The following LRRC2 variants were observed in gnomAD, a reference collection of about 807,000 sequenced individuals.
The protein encoded by LRRC2 is leucine rich repeat containing 2, also known as leucine-rich repeat-containing protein 2.
A neutral mutation model predicts 40.2 loss-of-function variants in LRRC2; 27 were observed. The observed-to-expected ratio is 0.67, with a 90% CI of 0.49 to 0.93. The LOEUF is 0.93. Ranked by LOEUF, LRRC2 falls within the 40% of genes least tolerant of loss-of-function variation. The pLI is 0.00. For missense variants in LRRC2, 402 were observed against 439.6 expected, an observed-to-expected ratio of 0.91 and a Z score of 0.76; for synonymous variants, 147 against 158.9, an observed-to-expected ratio of 0.92 and a Z score of 0.56.
intron 4 of LRRC2, among the ~76,000 whole-genome samples, chr3:46,536,252 A>G (rs998609926): frequency 2.0e-5 from 3 of 152,222 alleles, no homozygotes; most frequent in African/African-American, 2.4e-5. Context: ...ACACCTTTCT[A>G]GAATGTTTGA....
intron 1 of LRRC2, among the ~76,000 whole-genome samples, chr3:46,552,332 C>T (rs1421591028): frequency 6.6e-6 from 1 of 151,634 alleles, no homozygotes; most frequent in Non-Finnish European, 1.5e-5. Context: ...CACATCCTCT[C>T]TCCTCTCTCA....
At chr3:46,529,445 TTAATTTGAAAGAATA>T (rs1041248207) in intron 6 of LRRC2, among the ~76,000 whole-genome samples, 2 of 152,222 alleles carry the variant, frequency 1.3e-5, no homozygotes, top group Admixed American at 1.3e-4. Context: ...ATGTACATTT[TTAATTTGAAAGAATA>T]TAATTTGAAA....
chr3:46,526,651 C>A (rs754547657), intron 7 of LRRC2, among the ~76,000 whole-genome samples: 16 of 152,230 alleles, frequency 1.1e-4, no homozygotes, highest in Non-Finnish European at 1.9e-4. Context: ...GACAGGAAGA[C>A]AAGATTGAAC....
chr3:46,528,274 A>C lies in LRRC2; in HGVS notation c.774-693T>G, dbSNP rs945745063. Among the ~76,000 whole-genome samples the C allele has an allele frequency of 1.8e-4, 26 of 146,280 alleles. 1 individual carries two copies. The highest frequency in any genetic ancestry group is 3.0e-5 in the Non-Finnish European group (2 of 67,114). ...AAATGAGAATAAACAGATTTTAGCA[A>C]TGTACTTCCTTTGGTACACTTTTTT... On this transcript the variant is annotated intron_variant, in intron 6 of 8. Transcript: ENST00000395905.
intron 7 of LRRC2, among the ~76,000 whole-genome samples, chr3:46,525,092 T>C (rs1471486114): frequency 4.0e-5 from 6 of 148,708 alleles, no homozygotes; most frequent in East Asian, 3.9e-4. Flanking sequence ...TTTTCTTTTT[T>C]TTTTTTTTTT....
chr3:46,551,553 G>A lies in LRRC2; in HGVS notation c.39C>T (p.Ile13=). ...HKVVVFDISV[I]RALWETRVKK... ...TGACACGAGTTTCCCACAAGGCTCTGATGACAGAAATGTCGAAGACAACCA... is the reference window on the plus strand; with the variant it reads ...TGACACGAGTTTCCCACAAGGCTCTAATGACAGAAATGTCGAAGACAACCA... Residue 13 remains isoleucine (I), a synonymous_variant, in exon 2 of 9, where the codon ATC becomes ATT. Coordinates refer to ENST00000395905, the MANE Select transcript of LRRC2 (RefSeq NM_024512.5). 3.1e-6 allele frequency: 5 copies of A among 1,613,932 alleles called. No individual in the cohort carries two copies. The highest frequency in any genetic ancestry group is 4.2e-6 in the Non-Finnish European group (5 of 1,179,934).
rs1559406083 is a variant in LRRC2, at chr3:46,517,277, T to TG, written c.*1736dup. Reference sequence around the variant, plus strand: ...TTCCTTCTTAGTCACAAAAGCTGCTTGTTTTTGTTTTTTTTTTTTTAGTTA... The same window carrying TG: ...TTCCTTCTTAGTCACAAAAGCTGCTTGGTTTTTGTTTTTTTTTTTTTAGTTA... On this transcript the variant is annotated 3_prime_UTR_variant, in exon 9 of 9. Transcript: ENST00000395905. The TG allele has an allele frequency of 8.8e-6, 1 of 113,116 alleles. No individual in the cohort carries two copies. The highest frequency in any genetic ancestry group is 2.8e-5 in the African/African-American group (1 of 35,112). 7.0% of individuals were successfully genotyped at this position (113,116 alleles called of 1,614,324 possible).
intron 5 of LRRC2, among the ~76,000 whole-genome samples, chr3:46,530,969 T>C (rs766862584): frequency 1.3e-4 from 20 of 152,244 alleles, no homozygotes; most frequent in Middle Eastern, 6.8e-3. Context: ...TAAGAAATAA[T>C]ATCGTTAAGG....
At chr3:46,527,626 A>G (rs150605535) in intron 6 of LRRC2, 45 bp from the exon 7 acceptor site, 2 of 1,520,812 alleles carry the variant, frequency 1.3e-6, no homozygotes, top group African/African-American at 1.4e-5. Context: ...TTAGCATCAT[A>G]GCTAAGAAAA....
chr3:46,524,652 T>C (rs1394191730), intron 7 of LRRC2, among the ~76,000 whole-genome samples: 10 of 152,338 alleles, frequency 6.6e-5, no homozygotes. Flanking sequence ...TTTTCTTTCA[T>C]TTTAATAGGC....
intron 1 of LRRC2, among the ~76,000 whole-genome samples, chr3:46,561,720 G>A (rs115970439): frequency 0.017 from 2,648 of 152,298 alleles, 74 homozygotes; most frequent in African/African-American, 0.061. Flanking sequence ...ACCAGCTCCT[G>A]AACTGAGATT....
intron 7 of LRRC2, among the ~76,000 whole-genome samples, 182 bp downstream of exon 7, chr3:46,527,244 G>A (rs929306707): frequency 3.3e-5 from 5 of 152,102 alleles, no homozygotes; most frequent in African/African-American, 9.7e-5. Flanking sequence ...CCTCTTCCTC[G>A]TGTCATATGC....
Position 46,527,428 on chromosome 3 carries a change from T to C in LRRC2, c.927A>G (p.Leu309=), listed in dbSNP as rs1704079532. 6.2e-7 allele frequency: 1 copy of C among 1,613,870 alleles called. No individual in the cohort carries two copies. Among genetic ancestry groups the C allele is most frequent in the African/African-American group, 1.3e-5 (1 of 75,016 alleles). The change falls in exon 7 of 9, where the codon TTA becomes TTG. Residue 309 remains leucine, a splice_region_variant and synonymous_variant. Coordinates refer to ENST00000395905, the MANE Select transcript of LRRC2 (RefSeq NM_024512.5). ...ACTGGGATTTCCGGGCTACTCACTT[T>C]AAAGGTGTGGATGAGTCACAAAGGG... The part of the protein sequence containing the change: ...PTALCDSSTP[L]KFVSLMDNPI...
At chr3:46,543,238 T>C (rs1402412731) in intron 3 of LRRC2, among the ~76,000 whole-genome samples, 1 of 152,098 alleles carries the variant, frequency 6.6e-6, no homozygotes, top group Non-Finnish European at 1.5e-5. Flanking sequence ...GAGGACGCCA[T>C]CCACCTGGTT....
rs34602158 is a variant in LRRC2 at position 46,550,377 on chromosome 3, C to CTTTT, written c.125+1086_125+1089dup. On this transcript the variant is annotated intron_variant, in intron 2 of 8. Coordinates refer to ENST00000395905, the MANE Select transcript of LRRC2 (RefSeq NM_024512.5). ...GTAGACACATTCACACCTTACACAT[C>CTTTT]TTTTTTTTTTTTTTTTTTTTTTTTG... 3.1e-3 allele frequency among the ~76,000 whole-genome samples: 259 copies of CTTTT among 84,016 alleles called. 3 individuals are homozygous for CTTTT. Among genetic ancestry groups the CTTTT allele is most frequent in the East Asian group, 6.8e-3 (21 of 3,078 alleles). 55.1% of individuals were successfully genotyped at this position (84,016 alleles called of 152,430 possible).
intron 3 of LRRC2, among the ~76,000 whole-genome samples, chr3:46,541,307 T>C (rs1575353130): frequency 7.5e-6 from 1 of 134,186 alleles, no homozygotes; most frequent in Non-Finnish European, 1.5e-5. Flanking sequence ...CACTCCAGCC[T>C]GGGCGACAGA....
chr3:46,553,976 TTTG>T lies in LRRC2; in HGVS notation c.-19-2369_-19-2367del, dbSNP rs35459832. ...TTTCTGATGTCTGAGACTGCCTTTG[TTTG>T]TTGTTGTTGTTGTTGTTTCATTGGT... On this transcript the variant is annotated intron_variant, in intron 1 of 8. Transcript: ENST00000395905. 1.6e-3 allele frequency among the ~76,000 whole-genome samples: 243 copies of T among 151,786 alleles called. 2 individuals carry two copies. The East Asian group carries it at 0.02, about 12-fold the overall frequency.
At chr3:46,558,898 T>G (rs1436131477) in intron 1 of LRRC2, 1 of 152,158 alleles carries the variant, frequency 6.6e-6, no homozygotes, top group Non-Finnish European at 1.5e-5. Context: ...CTCGTAGAAG[T>G]AGAGTGTAGA....
intron 1 of LRRC2, among the ~76,000 whole-genome samples, chr3:46,556,913 A>T (rs1326840337): frequency 1.4e-4 from 21 of 151,238 alleles, no homozygotes; most frequent in Non-Finnish European, 1.5e-4. Flanking sequence ...TCTGCATTAC[A>T]CTCTTCCTCC....
Sources: allele counts gnomAD v4.1 joint callset (sites outside exome capture counted in the v4.1 genomes callset), GRCh38; gene constraint gnomAD v4.1.1; transcripts MANE v1.5; gene names NCBI Gene and HGNC (gene_info 2026-07-23, HGNC 2026-07-21).